The following UQCC1 variants were observed in gnomAD, a reference collection of about 807,000 sequenced individuals.
UQCC1 encodes bFGF-repressed Zic-binding protein.
A neutral mutation model predicts 48.0 loss-of-function variants in UQCC1; 38 were observed. The ratio of observed to expected loss-of-function variants is 0.79; its 90% CI spans 0.61 to 1.04. UQCC1 has a LOEUF of 1.04. Among genes scored for constraint, UQCC1 ranks in the 50% least tolerant of loss-of-function variants. UQCC1 has a pLI of 0.00. For missense variants in UQCC1, 368 were observed against 381.8 expected, an observed-to-expected ratio of 0.96 and a Z score of 0.30; for synonymous variants, 111 against 129.2, an observed-to-expected ratio of 0.86 and a Z score of 0.95.
chr20:35,371,716 A>C (rs935477473), intron 5 of UQCC1, among the ~76,000 whole-genome samples: 1 of 151,212 alleles, frequency 6.6e-6, no homozygotes, highest in Non-Finnish European at 1.5e-5. Context: ...AAAAAAAAAA[A>C]AAAAACAGGC....
At chr20:35,403,361 T>G (rs1412881110) in intron 1 of UQCC1, among the ~76,000 whole-genome samples, 2 of 152,138 alleles carry the variant, frequency 1.3e-5, no homozygotes, top group Non-Finnish European at 2.9e-5. Context: ...ATATATATAT[T>G]TCCTACCCAC....
intron 1 of UQCC1, among the ~76,000 whole-genome samples, chr20:35,395,655 ACACTC>A (rs2062067402): frequency 6.6e-6 from 1 of 152,258 alleles, no homozygotes; most frequent in East Asian, 1.9e-4. Context: ...GGAGGGTGGC[ACACTC>A]TAATTCCACA....
chr20:35,307,804 A>G (rs1016011356), intron 8 of UQCC1, among the ~76,000 whole-genome samples: 1 of 152,240 alleles, frequency 6.6e-6, no homozygotes, highest in African/African-American at 2.4e-5. Flanking sequence ...TCTGTTGGAT[A>G]CAAAGATTAG....
chr20:35,372,308 C>CA lies in UQCC1; in HGVS notation c.406+1875dup, dbSNP rs1195132058. On this transcript the variant is annotated intron_variant, in intron 5 of 9. Coordinates refer to ENST00000374385, the MANE Select transcript of UQCC1 (RefSeq NM_018244.5). ...TGGGTGACAGATTGAGATTCTGTCTCAAAAAAAAAAAAAGAAAAAGAAAAA... is the reference window on the plus strand; with the variant it reads ...TGGGTGACAGATTGAGATTCTGTCTCAAAAAAAAAAAAAAGAAAAAGAAAAA... Among the ~76,000 whole-genome samples the CA allele has an allele frequency of 9.4e-3, 882 of 93,842 alleles. 4 individuals carry two copies. Among genetic ancestry groups the CA allele is most frequent in the Admixed American group, 0.022 (190 of 8,678 alleles). The allele number at this position is 93,842 out of a possible 152,430, so 61.6% of individuals were successfully genotyped here. A position where few individuals can be genotyped will look rare whatever the true frequency, so the allele number is the denominator to read the frequency against.
At chr20:35,324,733 G>C (rs2061172971) in intron 7 of UQCC1, among the ~76,000 whole-genome samples, 1 of 152,242 alleles carries the variant, frequency 6.6e-6, no homozygotes, top group Admixed American at 6.5e-5. Context: ...ATGCATTGTT[G>C]AAGAAAATGT....
Position 35,390,156 on chromosome 20 carries a change from G to T in UQCC1, c.129+3936C>A, listed in dbSNP as rs551268550. On this transcript the variant is annotated intron_variant, in intron 2 of 9. Coordinates refer to ENST00000374385, the MANE Select transcript of UQCC1 (RefSeq NM_018244.5). ...ATCACAGAAACAAGGCCAGGGTGAT[G>T]GCTCATGCCTGTAATCCCAGTGCTT... is the stretch of plus-strand genomic sequence containing the variant. Among the ~76,000 whole-genome samples the T allele has an allele frequency of 1.8e-4, 28 of 152,300 alleles. 1 individual carries two copies. The highest frequency in any genetic ancestry group is 6.5e-4 in the African/African-American group (27 of 41,574).
At chr20:35,365,785 A>G (rs2061660191) in intron 6 of UQCC1, among the ~76,000 whole-genome samples, 1 of 152,192 alleles carries the variant, frequency 6.6e-6, no homozygotes, top group South Asian at 2.1e-4. Flanking sequence ...TATAGTAGTC[A>G]GTTGTATGAT....
intron 5 of UQCC1, among the ~76,000 whole-genome samples, chr20:35,368,752 G>A (rs1056808725): frequency 6.6e-5 from 10 of 152,176 alleles, no homozygotes; most frequent in African/African-American, 2.4e-4. Context: ...CTGTCACAAA[G>A]TGACACCAAA....
At chr20:35,403,067 C>CAA (rs10707620) in intron 1 of UQCC1, among the ~76,000 whole-genome samples, 4 of 134,944 alleles carry the variant, frequency 3.0e-5, no homozygotes, top group Non-Finnish European at 4.8e-5. Flanking sequence ...GACTTCGTCT[C>CAA]AAAAAAAAAA....
chr20:35,360,750 C>A (rs1054867328), intron 6 of UQCC1, among the ~76,000 whole-genome samples: 2 of 152,158 alleles, frequency 1.3e-5, no homozygotes, highest in African/African-American at 4.8e-5. Flanking sequence ...TCAGGTTTAC[C>A]TGTGGCCTCT....
chr20:35,369,673 C>A (rs2061707917), intron 5 of UQCC1, among the ~76,000 whole-genome samples: 1 of 152,046 alleles, frequency 6.6e-6, no homozygotes, highest in Non-Finnish European at 1.5e-5. Context: ...AGATAACTGA[C>A]CTTGTAAGAT....
At chr20:35,357,671 C>CAAAAAA (rs386365644) in intron 6 of UQCC1, among the ~76,000 whole-genome samples, 1 of 103,394 alleles carries the variant, frequency 9.7e-6, no homozygotes, top group African/African-American at 4.1e-5. Context: ...GACCTTGTCT[C>CAAAAAA]AAAAAAAAAA....
At position 35,410,833 on chromosome 20, in the gene UQCC1, T is replaced by G. The variant is rs978377255; in HGVS notation, c.24+1107A>C. On this transcript the variant is annotated intron_variant, in intron 1 of 9. Transcript: ENST00000374385. Reference sequence around the variant, plus strand: ...TTCCCCAGCAGTCCTCATTTCTGAATCAATTTCTGGCCTGAAATCAAACAA... The same window carrying G: ...TTCCCCAGCAGTCCTCATTTCTGAAGCAATTTCTGGCCTGAAATCAAACAA... 6.5e-5 allele frequency among the ~76,000 whole-genome samples: 9 copies of G among 138,626 alleles called. No homozygotes were observed. In the Admixed American group the frequency reaches 6.7e-4, roughly 10 times the overall value. The allele number at this position is 138,626 out of a possible 152,430, so 90.9% of individuals were successfully genotyped here. A position where few individuals can be genotyped will look rare whatever the true frequency, so the allele number is the denominator to read the frequency against.
At chr20:35,373,511 T>A (rs2061757979) in intron 5 of UQCC1, among the ~76,000 whole-genome samples, 1 of 151,964 alleles carries the variant, frequency 6.6e-6, no homozygotes, top group Non-Finnish European at 1.5e-5. Flanking sequence ...AAACCCCATG[T>A]CAACTAAAAA....
intron 6 of UQCC1, among the ~76,000 whole-genome samples, chr20:35,365,701 C>G (rs1043643879): frequency 4.0e-5 from 6 of 151,436 alleles, no homozygotes; most frequent in Non-Finnish European, 7.4e-5. Flanking sequence ...ACCTTAGGCC[C>G]CTAAGCCAAA....
At chr20:35,306,530 G>A (rs1043001508) in intron 9 of UQCC1, 136 bp downstream of exon 9, 5 of 669,596 alleles carry the variant, frequency 7.5e-6, no homozygotes, top group African/African-American at 5.4e-5. Flanking sequence ...CTTCTTCAGC[G>A]TCTAGTGCTG....
At chr20:35,389,024 C>G (rs529474067) in intron 2 of UQCC1, among the ~76,000 whole-genome samples, 1 of 151,882 alleles carries the variant, frequency 6.6e-6, no homozygotes, top group Admixed American at 6.5e-5. Context: ...CAAGATCGCA[C>G]CACTGCACTC....
At chr20:35,392,742 T>C (rs2062028272) in intron 2 of UQCC1, among the ~76,000 whole-genome samples, 3 of 152,084 alleles carry the variant, frequency 2.0e-5, no homozygotes, top group Non-Finnish European at 2.9e-5. Context: ...AAAAGCAAGA[T>C]GTCCTCAGAA....
At chr20:35,392,207 C>G in intron 2 of UQCC1, 1 of 1,300,500 alleles carries the variant, frequency 7.7e-7, no homozygotes, top group Non-Finnish European at 1.0e-6. Flanking sequence ...TCATTCTGAG[C>G]CAAATCTTCC....
Sources: gnomAD v4.1 joint callset for allele counts (sites outside exome capture counted in the v4.1 genomes callset) on GRCh38, gnomAD v4.1.1 for gene constraint, MANE v1.5 for transcripts, NCBI Gene and HGNC (gene_info 2026-07-23, HGNC 2026-07-21) for gene names.